Variants in ZFYVE28 observed in about 807,000 individuals in gnomAD.
The protein encoded by ZFYVE28 is zinc finger FYVE-type containing 28.
A neutral mutation model predicts 82.1 loss-of-function variants in ZFYVE28; 40 were observed. The observed-to-expected ratio is 0.49, with a 90% confidence interval of 0.38 to 0.63. The LOEUF is 0.63. Ranked by LOEUF, ZFYVE28 falls within the 30% of genes least tolerant of loss-of-function variation. The pLI, the probability that ZFYVE28 is intolerant of heterozygous loss-of-function variation, is 0.00. For synonymous variants in ZFYVE28, 612 were observed against 546.1 expected, an observed-to-expected ratio of 1.12 and a Z score of -1.68; for missense variants, 1,321 against 1,242.1, an observed-to-expected ratio of 1.06 and a Z score of -0.96.
In ZFYVE28 at chr4:2,339,547, G is replaced by A. The variant is rs1460795378; in HGVS notation, c.427C>T (p.Arg143Cys). Residue 143 changes from arginine (R) to cysteine (C), a missense_variant, in exon 4 of 13, where the codon CGT (arginine) becomes TGT (cysteine). By Grantham distance (180) the Arg-to-Cys change is radical. Transcript: ENST00000290974. This position sits in a 1 kb window ranked among gnomAD's most constrained non-coding sequence, Gnocchi z 5.0. ...TTCAGGTCCCGCAGCGCCTGGTCAC[G>A]GAGGGCGCCCCGCACGTCCTCCAGG... ...RSLEDVRGAL[R>C]DQALRDLNTY... 10 of 1,613,488 alleles carry A rather than the reference G, an allele frequency of 6.2e-6. No individual in the cohort carries two copies. Among genetic ancestry groups the A allele is most frequent in the East Asian group, 2.2e-5 (1 of 44,850 alleles).
At chr4:2,325,013 T>C (rs1023384952) in intron 6 of ZFYVE28, 6 of 157,856 alleles carry the variant, frequency 3.8e-5, no homozygotes, top group Non-Finnish European at 7.1e-5. Context: ...CAAGAATATC[T>C]TAGTTTAAAT....
Position 2,394,049 on chromosome 4 carries a change from G to A in ZFYVE28, c.39+24236C>T, listed in dbSNP as rs753679994. On this transcript the variant is annotated intron_variant, in intron 1 of 12. Transcript: ENST00000290974. The surrounding 1 kb of genome is among the most constrained non-coding windows in gnomAD (Gnocchi z 4.0). Reference sequence around the variant, plus strand: ...CCAGCTTGCACAGCTACTTCCCGACGCACGGCCGCCTCCCGGACCTTCAGA... The same window carrying A: ...CCAGCTTGCACAGCTACTTCCCGACACACGGCCGCCTCCCGGACCTTCAGA... Among the ~76,000 whole-genome samples, 3 of 152,034 alleles carry A rather than the reference G, an allele frequency of 2.0e-5. No individual in the cohort carries two copies. Among genetic ancestry groups the A allele is most frequent in the Non-Finnish European group, 4.4e-5 (3 of 68,004 alleles).
At chr4:2,356,842 C>T (rs1331497497) in intron 1 of ZFYVE28, among the ~76,000 whole-genome samples, 1 of 152,200 alleles carries the variant, frequency 6.6e-6, no homozygotes, top group Non-Finnish European at 1.5e-5. Context: ...TGTCAACTTA[C>T]AGATGAGCAA....
At chr4:2,388,093 A>C (rs550592909) in intron 1 of ZFYVE28, among the ~76,000 whole-genome samples, 62 of 152,320 alleles carry the variant, frequency 4.1e-4, no homozygotes, top group African/African-American at 1.5e-3. Flanking sequence ...ATAATGCAGC[A>C]CTCATCCAAG....
chr4:2,382,151 GT>G (rs1728788876), intron 1 of ZFYVE28, among the ~76,000 whole-genome samples: 1 of 152,262 alleles, frequency 6.6e-6, no homozygotes, highest in Non-Finnish European at 1.5e-5. Context: ...CCAGGCAGAA[GT>G]TTGCTGCAGG....
At position 2,270,863 on chromosome 4, in the gene ZFYVE28, T is replaced by C. The variant is rs1735841577; in HGVS notation, c.2533-7A>G. 2 of 1,612,332 alleles carry C rather than the reference T, an allele frequency of 1.2e-6. No homozygotes were observed. The highest frequency in any genetic ancestry group is 1.7e-6 in the Non-Finnish European group (2 of 1,179,882). Reference sequence around the variant, plus strand: ...AGCAGCGCGAGCAGAAGATCTGGAATGGGGTTGGGGCAGTGAGGGTCTGCG... The same window carrying C: ...AGCAGCGCGAGCAGAAGATCTGGAACGGGGTTGGGGCAGTGAGGGTCTGCG... On this transcript the variant is annotated splice_region_variant and splice_polypyrimidine_tract_variant and intron_variant, in intron 12 of 12. Coordinates refer to ENST00000290974, the MANE Select transcript of ZFYVE28 (RefSeq NM_020972.3).
chr4:2,282,256 C>T (rs894467842), intron 8 of ZFYVE28, among the ~76,000 whole-genome samples: 6 of 152,250 alleles, frequency 3.9e-5, no homozygotes, highest in Non-Finnish European at 7.3e-5. Flanking sequence ...TGCAACAGCC[C>T]CACTTCGGTT....
chr4:2,304,558 C>T lies in ZFYVE28; in HGVS notation c.1782G>A (p.Ser594=), dbSNP rs562320399. The change falls in exon 8 of 13, where the codon TCG becomes TCA. Residue 594 remains serine, a synonymous_variant. Transcript: ENST00000290974. ...KCSPGGVIGA[S]YAAGLAKASD... ...TGGCCTTGGCTAAGCCGGCAGCGTA[C>T]GAGGCACCAATGACGCCTCCCGGGC... 7.4e-6 allele frequency: 12 copies of T among 1,612,764 alleles called. No individual in the cohort carries two copies. Among genetic ancestry groups the T allele is most frequent in the East Asian group, 6.7e-5 (3 of 44,880 alleles).
intron 8 of ZFYVE28, among the ~76,000 whole-genome samples, chr4:2,274,838 A>G (rs1333578633): frequency 7.1e-6 from 1 of 140,366 alleles, no homozygotes; most frequent in African/African-American, 3.2e-5. Context: ...ACGCGGCCCC[A>G]ACCCAAGGAA....
intron 10 of ZFYVE28, 67 bp from the exon 11 acceptor site, chr4:2,271,846 A>AT: frequency 8.2e-6 from 12 of 1,467,612 alleles, no homozygotes; most frequent in Non-Finnish European, 9.5e-6. Flanking sequence ...GGTCACCTGC[A>AT]CTTGCTGGGC....
At chr4:2,315,021 C>G (rs1310019251) in intron 7 of ZFYVE28, among the ~76,000 whole-genome samples, 1 of 152,162 alleles carries the variant, frequency 6.6e-6, no homozygotes, top group African/African-American at 2.4e-5. Flanking sequence ...AGGAATCCTC[C>G]TGCCTTGGCC....
rs1332106441 is a variant in ZFYVE28, at chr4:2,416,584, CGGA to C, written c.39+1698_39+1700del. On this transcript the variant is annotated intron_variant, in intron 1 of 12. Coordinates refer to ENST00000290974, the MANE Select transcript of ZFYVE28 (RefSeq NM_020972.3). The surrounding 1 kb of genome is among the most constrained non-coding windows in gnomAD (Gnocchi z 4.6). ...ACACCATTCATACAGCTATCCAGAG[CGGA>C]GGCCACCGCCCTACCCCGGCAGAGG... Among the ~76,000 whole-genome samples, 3 of 152,220 alleles carry C rather than the reference CGGA, an allele frequency of 2.0e-5. No homozygotes were observed. Among genetic ancestry groups the C allele is most frequent in the African/African-American group, 7.2e-5 (3 of 41,456 alleles).
At chr4:2,369,439 C>T (rs902062287) in intron 1 of ZFYVE28, among the ~76,000 whole-genome samples, 3 of 152,186 alleles carry the variant, frequency 2.0e-5, no homozygotes, top group Non-Finnish European at 4.4e-5. Context: ...ACTCTGGGAC[C>T]TCAGACATGG....
intron 7 of ZFYVE28, among the ~76,000 whole-genome samples, chr4:2,309,305 G>C (rs1431706629): frequency 1.3e-5 from 2 of 152,142 alleles, no homozygotes; most frequent in Non-Finnish European, 2.9e-5. Flanking sequence ...GCAGCCACTT[G>C]ATCTTGGACC....
intron 1 of ZFYVE28, among the ~76,000 whole-genome samples, chr4:2,390,712 C>T (rs969266429): frequency 1.3e-5 from 2 of 152,236 alleles, no homozygotes; most frequent in South Asian, 2.1e-4. Context: ...TTTTGCCTCT[C>T]TAGCTGCCTG....
chr4:2,398,698 C>CCAAGATCCAGTGCACAATAGGTGGT (rs373766125), intron 1 of ZFYVE28, among the ~76,000 whole-genome samples: 1 of 5,088 alleles, frequency 2.0e-4, no homozygotes, highest in African/African-American at 9.0e-4. Flanking sequence ...AATGGGGGGT[C>CCAAGATCCAGTGCACAATAGGTGGT]GAGATCCAGG....
At chr4:2,322,006 CT>C (rs1471391328) in intron 6 of ZFYVE28, among the ~76,000 whole-genome samples, 2 of 152,228 alleles carry the variant, frequency 1.3e-5, no homozygotes, top group Admixed American at 1.3e-4. Flanking sequence ...TCCTGGGAGC[CT>C]GCGGGGACCC....
At chr4:2,294,422 C>T (rs2108813605) in intron 8 of ZFYVE28, among the ~76,000 whole-genome samples, 1 of 152,304 alleles carries the variant, frequency 6.6e-6, no homozygotes, top group Admixed American at 6.5e-5. Flanking sequence ...CCATGCCTCA[C>T]ACCATATACA....
At chr4:2,370,144 G>A (rs1193151284) in intron 1 of ZFYVE28, among the ~76,000 whole-genome samples, 4 of 151,902 alleles carry the variant, frequency 2.6e-5, no homozygotes, top group Admixed American at 6.6e-5. Context: ...CAACACGCCC[G>A]GCCGATTTTT....
Sources: gnomAD v4.1 joint callset for allele counts (sites outside exome capture counted in the v4.1 genomes callset) on GRCh38, gnomAD v4.1.1 for gene constraint, Gnocchi (gnomAD v3.1) non-coding constraint, MANE v1.5 for transcripts, NCBI Gene and HGNC (gene_info 2026-07-23, HGNC 2026-07-21) for gene names.